Variants in PSPH observed in about 807,000 individuals in gnomAD.
PSPH encodes the protein phosphoserine phosphatase, also known as L-3-phosphoserine phosphatase.
In PSPH, 16 loss-of-function variants were observed where a neutral mutation model predicts 23.4. The observed-to-expected ratio is 0.68, with a 90% CI of 0.46 to 1.04. The LOEUF (loss-of-function observed/expected upper bound fraction) is 1.04. PSPH is among the 50% of genes least tolerant of loss of function. PSPH has a pLI of 0.00. For missense variants in PSPH, 223 were observed against 273.7 expected (o/e 0.81, Z 1.31); for synonymous variants, 68 against 99.7 (o/e 0.68, Z 1.89).
intron 2 of PSPH, among the ~76,000 whole-genome samples, chr7:56,032,785 C>T (rs1463933384): frequency 6.6e-6 from 1 of 151,684 alleles, no homozygotes; most frequent in Non-Finnish European, 1.5e-5. Flanking sequence ...ATGCCATCTC[C>T]ACAAAAAATA....
At chr7:56,030,908 C>T (rs1790885043) in intron 3 of PSPH, among the ~76,000 whole-genome samples, 1 of 148,616 alleles carries the variant, frequency 6.7e-6, no homozygotes, top group African/African-American at 2.5e-5. Flanking sequence ...AAACAAAAAA[C>T]AACAACAACA....
At chr7:56,027,773 G>A (rs548405713) in intron 3 of PSPH, among the ~76,000 whole-genome samples, 1 of 149,784 alleles carries the variant, frequency 6.7e-6, no homozygotes, top group South Asian at 2.1e-4. Flanking sequence ...GATTGGCCGA[G>A]TGCAGTGGCT....
At chr7:56,033,460 T>C (rs1791304223) in intron 2 of PSPH, 1 of 146,156 alleles carries the variant, frequency 6.8e-6, no homozygotes, top group African/African-American at 2.5e-5. Flanking sequence ...ATCACACCAC[T>C]GCACTCCAGC....
At chr7:56,023,141 A>G (rs1789699249) in intron 3 of PSPH, among the ~76,000 whole-genome samples, 1 of 152,128 alleles carries the variant, frequency 6.6e-6, no homozygotes, top group African/African-American at 2.4e-5. Flanking sequence ...CAGAGCCTGC[A>G]GGACCACCAC....
At chr7:56,036,774 T>A (rs923909920) in intron 1 of PSPH, among the ~76,000 whole-genome samples, 1 of 152,014 alleles carries the variant, frequency 6.6e-6, no homozygotes, top group Non-Finnish European at 1.5e-5. Flanking sequence ...CACATTAAAA[T>A]ATATATATAT....
intron 1 of PSPH, among the ~76,000 whole-genome samples, chr7:56,040,702 C>T (rs1029931935): frequency 2.0e-5 from 3 of 151,854 alleles, no homozygotes; most frequent in Admixed American, 6.6e-5. Flanking sequence ...TTCAACGAAA[C>T]TAGAAGACAA....
chr7:56,016,486 G>A (rs1048657823), intron 6 of PSPH, among the ~76,000 whole-genome samples: 7 of 151,086 alleles, frequency 4.6e-5, no homozygotes, highest in African/African-American at 1.5e-4. Flanking sequence ...CTGTGGCACC[G>A]CTATGGACCA....
rs1562782801 is a variant in PSPH at position 56,015,008 on chromosome 7, A to G, written c.570+15T>C. On this transcript the variant is annotated intron_variant, in intron 7 of 7. Transcript: ENST00000275605. ...AAGTACAACCTGAAAAAAAATTAGCACCCTTAATACATACAGCAGGAGGAC... is the reference window on the plus strand; with the variant it reads ...AAGTACAACCTGAAAAAAAATTAGCGCCCTTAATACATACAGCAGGAGGAC... The G allele has an allele frequency of 6.3e-7, 1 of 1,581,054 alleles. No homozygotes were observed. The highest frequency in any genetic ancestry group is 8.6e-7 in the Non-Finnish European group (1 of 1,164,960).
chr7:56,039,148 C>CA (rs34620559), intron 1 of PSPH, among the ~76,000 whole-genome samples: 3,886 of 56,388 alleles, frequency 0.069, 84 homozygotes, highest in Admixed American at 0.12. Flanking sequence ...AACTCTGTCT[C>CA]AAAAAAAAAA....
chr7:56,030,619 C>A (rs1045860566), intron 3 of PSPH, among the ~76,000 whole-genome samples: 15 of 152,128 alleles, frequency 9.9e-5, no homozygotes, highest in Non-Finnish European at 2.1e-4. Context: ...ACAGTGATGG[C>A]CAGGTGCGGT....
chr7:56,028,597 C>T (rs1790525600), intron 3 of PSPH, among the ~76,000 whole-genome samples: 1 of 152,092 alleles, frequency 6.6e-6, no homozygotes, highest in Non-Finnish European at 1.5e-5. Context: ...TTTCCACACC[C>T]TCCCTAGGAG....
At chr7:56,030,001 A>G (rs1790749447) in intron 3 of PSPH, among the ~76,000 whole-genome samples, 1 of 151,800 alleles carries the variant, frequency 6.6e-6, no homozygotes, top group South Asian at 2.1e-4. Context: ...AGAAAAAAAA[A>G]AAAAAGAATA....
At chr7:56,014,924 C>G in intron 7 of PSPH, 99 bp downstream of exon 7, 2 of 1,284,032 alleles carry the variant, frequency 1.6e-6, no homozygotes, top group Non-Finnish European at 2.1e-6. Context: ...ACCTGGGCAA[C>G]AAGAGTGAAA....
At chr7:56,027,007 AC>A (rs1790279562) in intron 3 of PSPH, among the ~76,000 whole-genome samples, 1 of 151,848 alleles carries the variant, frequency 6.6e-6, no homozygotes. Flanking sequence ...GGAGTTCGAG[AC>A]CAGCCTGACC....
chr7:56,038,661 C>T (rs1377172696), intron 1 of PSPH, among the ~76,000 whole-genome samples: 1 of 151,912 alleles, frequency 6.6e-6, no homozygotes. Context: ...ATACTAAGAC[C>T]TAATCTGTAC....
chr7:56,029,569 C>T (rs900978607), intron 3 of PSPH, among the ~76,000 whole-genome samples: 8 of 151,026 alleles, frequency 5.3e-5, no homozygotes, highest in Non-Finnish European at 1.2e-4. Flanking sequence ...AGCAAGCTTT[C>T]CTCCAGGGCC....
rs1789075971 is a variant in PSPH, at chr7:56,019,736, T to C, written c.141-2A>G. On this transcript the variant is annotated splice_acceptor_variant, in intron 4 of 7. Transcript: ENST00000275605. LOFTEE classifies it high-confidence loss of function. ...GCCCCGCCCATGGCTCGCCGTGTCC[T>C]AGGAGGGAGACCCAACAGTCAGGCC... The C allele has an allele frequency of 6.2e-7, 1 of 1,612,852 alleles. No individual in the cohort carries two copies. The highest frequency in any genetic ancestry group is 8.5e-7 in the Non-Finnish European group (1 of 1,179,808).
rs1285655842 is a variant in PSPH, at chr7:56,030,424, T to TA, written c.-20+1504dup. Among the ~76,000 whole-genome samples the TA allele has an allele frequency of 7.7e-5, 11 of 143,390 alleles. 1 individual carries two copies. In the South Asian group the frequency reaches 1.8e-3, roughly 23 times the overall value. 94.1% of individuals were successfully genotyped at this position (143,390 alleles called of 152,430 possible). A position where few individuals can be genotyped will look rare whatever the true frequency, so the allele number is the denominator to read the frequency against. On this transcript the variant is annotated intron_variant, in intron 3 of 7. Coordinates refer to ENST00000275605, the MANE Select transcript of PSPH (RefSeq NM_004577.4). ...AAGGTGTGAGCCACCATGCCCGGCC[T>TA]AAAAAAAAAAGCCAGCACAGCCATA...
At chr7:56,037,507 C>T (rs1267537757) in intron 1 of PSPH, among the ~76,000 whole-genome samples, 1 of 151,332 alleles carries the variant, frequency 6.6e-6, no homozygotes, top group African/African-American at 2.4e-5. Flanking sequence ...AAGCTTCGAA[C>T]TCCTGGGCTC....
Sources: gnomAD v4.1 joint callset for allele counts (sites outside exome capture counted in the v4.1 genomes callset) on GRCh38, gnomAD v4.1.1 for gene constraint, MANE v1.5 for transcripts, NCBI Gene and HGNC (gene_info 2026-07-23, HGNC 2026-07-21) for gene names.